Variants in AFG2A observed in about 807,000 individuals in gnomAD.
AFG2A encodes the protein AAA ATPase AFG2A.
At chr4:123,233,098 T>C in the AFG2A span, among the ~76,000 whole-genome samples, 1 of 152,150 alleles carries the variant, frequency 6.6e-6, no homozygotes, top group Admixed American at 6.6e-5. Context: ...CACAGTCCTA[T>C]TAATTTTAAT....
chr4:123,111,965 C>T, the AFG2A span, among the ~76,000 whole-genome samples: 2 of 152,102 alleles, frequency 1.3e-5, no homozygotes, highest in African/African-American at 2.4e-5. Context: ...TCAGGTGATC[C>T]GCCTGCCTCA....
chr4:122,933,577 A>G, the AFG2A span: 8 of 1,055,774 alleles, frequency 7.6e-6, no homozygotes, highest in African/African-American at 1.6e-5. Context: ...GAGGGCTTAT[A>G]TATGCATAGT....
At chr4:123,186,552 T>C in the AFG2A span, among the ~76,000 whole-genome samples, 1 of 152,216 alleles carries the variant, frequency 6.6e-6, no homozygotes, top group Non-Finnish European at 1.5e-5. Context: ...AAGTTTTAGT[T>C]TTCTACAGTC....
At chr4:123,276,698 A>G in the AFG2A span, among the ~76,000 whole-genome samples, 52 of 152,160 alleles carry the variant, frequency 3.4e-4, no homozygotes, top group Non-Finnish European at 6.2e-4. Flanking sequence ...TCTTCTGTAC[A>G]TGACTAGCCA....
the AFG2A span, among the ~76,000 whole-genome samples, chr4:123,076,339 A>G: frequency 0.9 from 136,193 of 152,096 alleles, 61,408 homozygotes; most frequent in East Asian, 0.97. Flanking sequence ...ATAAAAAACA[A>G]TTATACAGTT....
the AFG2A span, among the ~76,000 whole-genome samples, chr4:123,101,473 C>T: frequency 6.6e-6 from 1 of 151,880 alleles, no homozygotes; most frequent in Non-Finnish European, 1.5e-5. Flanking sequence ...GAGTTCAACA[C>T]TAATCTAGTT....
At chr4:123,293,298 A>G in the AFG2A span, among the ~76,000 whole-genome samples, 1 of 152,120 alleles carries the variant, frequency 6.6e-6, no homozygotes, top group African/African-American at 2.4e-5. Flanking sequence ...CTGGGGTAGA[A>G]TGACAGTCTT....
At chr4:123,195,518 GTTTA>G in the AFG2A span, among the ~76,000 whole-genome samples, 131 of 152,254 alleles carry the variant, frequency 8.6e-4, 1 homozygote, top group East Asian at 0.022. Flanking sequence ...GGGATTATGA[GTTTA>G]TTTATGTGCA....
chr4:123,030,014 T>A, the AFG2A span, among the ~76,000 whole-genome samples: 2 of 152,220 alleles, frequency 1.3e-5, no homozygotes, highest in Admixed American at 1.3e-4. Flanking sequence ...TCCTTGGTCC[T>A]TGTCCTTTTA....
the AFG2A span, among the ~76,000 whole-genome samples, chr4:123,060,454 A>T: frequency 6.6e-6 from 1 of 152,144 alleles, no homozygotes; most frequent in Non-Finnish European, 1.5e-5. Flanking sequence ...CCAAACCTCA[A>T]TTCTCGACTT....
chr4:123,124,532 A>G, the AFG2A span, among the ~76,000 whole-genome samples: 1 of 131,762 alleles, frequency 7.6e-6, no homozygotes, highest in African/African-American at 2.4e-5. Flanking sequence ...AGATATACGT[A>G]ATGTAAATGA....
chr4:123,174,969 C>A, the AFG2A span, among the ~76,000 whole-genome samples: 1 of 151,982 alleles, frequency 6.6e-6, no homozygotes, highest in Non-Finnish European at 1.5e-5. Flanking sequence ...GTAGCTGGGA[C>A]AACAGCTGCA....
the AFG2A span, among the ~76,000 whole-genome samples, chr4:123,182,450 T>A: frequency 1.3e-5 from 2 of 152,204 alleles, no homozygotes; most frequent in Non-Finnish European, 2.9e-5. Flanking sequence ...GGAATATAGA[T>A]AATGAAGCTC....
chr4:123,021,030 C>T, the AFG2A span, among the ~76,000 whole-genome samples: 1,851 of 152,192 alleles, frequency 0.012, 42 homozygotes, highest in African/African-American at 0.041. Context: ...TTTTACTCTT[C>T]GCTAATTTTA....
the AFG2A span, among the ~76,000 whole-genome samples, chr4:123,288,809 T>C: frequency 0.022 from 3,404 of 152,176 alleles, 124 homozygotes; most frequent in African/African-American, 0.077. Context: ...ACCTAGCCCT[T>C]CAGTGTTTCT....
At chr4:123,143,758 A>G in the AFG2A span, among the ~76,000 whole-genome samples, 1 of 151,526 alleles carries the variant, frequency 6.6e-6, no homozygotes, top group Non-Finnish European at 1.5e-5. Context: ...AATTTCATAC[A>G]TGGGGGAGAA....
At chr4:123,230,973 T>G in the AFG2A span, among the ~76,000 whole-genome samples, 1 of 152,138 alleles carries the variant, frequency 6.6e-6, no homozygotes. Flanking sequence ...AACAAAGTGT[T>G]GTCTTGCAGG....
the AFG2A span, among the ~76,000 whole-genome samples, chr4:123,311,403 G>A: frequency 8.7e-3 from 1,326 of 151,994 alleles, 26 homozygotes; most frequent in African/African-American, 0.03. Context: ...CAAGGCGGGC[G>A]GATCACAAGG....
the AFG2A span, among the ~76,000 whole-genome samples, chr4:123,042,560 T>A: frequency 6.6e-5 from 10 of 152,346 alleles, no homozygotes; most frequent in East Asian, 1.7e-3. Flanking sequence ...TCATCAGGCA[T>A]GTTTCCAACT....
Sources: gnomAD v4.1 joint callset for allele counts (sites outside exome capture counted in the v4.1 genomes callset) on GRCh38, gnomAD v4.1.1 for gene constraint, MANE v1.5 for transcripts, NCBI Gene and HGNC (gene_info 2026-07-23, HGNC 2026-07-21) for gene names.